SHANK2: variants seen among roughly 807,000 people sequenced by gnomAD.
The protein encoded by SHANK2 is SH3 and multiple ankyrin repeat domains protein 2.
Under a neutral mutation model 133.7 loss-of-function variants are expected in SHANK2, and 43 were observed. That is an observed-to-expected ratio of 0.32 (90% CI 0.25 to 0.41). The LOEUF is 0.41. Among genes scored for constraint, SHANK2 ranks in the 10% least tolerant of loss-of-function variants. The pLI is 1.00. For synonymous variants in SHANK2, 1,017 were observed against 952.8 expected (o/e 1.07, Z -1.24); for missense variants, 1,994 against 2,235.8 (o/e 0.89, Z 2.18).
At chr11:70,916,503 G>C (rs868974228) in intron 10 of SHANK2, among the ~76,000 whole-genome samples, 1 of 152,114 alleles carries the variant, frequency 6.6e-6, no homozygotes, top group African/African-American at 2.4e-5. Context: ...ATGTGTGTGC[G>C]TGTACACACA....
chr11:70,936,323 C>T (rs797037065), intron 10 of SHANK2, among the ~76,000 whole-genome samples: 57 of 152,158 alleles, frequency 3.7e-4, no homozygotes, highest in African/African-American at 1.4e-3. Flanking sequence ...ACCAGCCTGG[C>T]CAACATGGTG....
rs546200986 is a variant in SHANK2, at chr11:70,653,577, A to T, written c.2061+6251T>A. On this transcript the variant is annotated intron_variant, in intron 17 of 25. Transcript: ENST00000601538. Reference sequence around the variant, plus strand: ...CCTGCCTCAGCCTTCCAAAAAAAAAAAAAAAAAAAAAAGAAAGAAAATGAA... The same window carrying T: ...CCTGCCTCAGCCTTCCAAAAAAAAATAAAAAAAAAAAAGAAAGAAAATGAA... Among the ~76,000 whole-genome samples, 16 of 151,712 alleles carry T rather than the reference A, an allele frequency of 1.1e-4. No homozygotes were observed. The East Asian group carries it at 2.7e-3, about 26-fold the overall frequency.
intron 14 of SHANK2, among the ~76,000 whole-genome samples, chr11:70,752,237 C>T (rs1178694171): frequency 6.6e-6 from 1 of 152,042 alleles, no homozygotes; most frequent in Non-Finnish European, 1.5e-5. Flanking sequence ...GAAAACTAAC[C>T]AATGACATGC....
At chr11:70,934,104 T>G (rs543862081) in intron 10 of SHANK2, among the ~76,000 whole-genome samples, 145 of 151,892 alleles carry the variant, frequency 9.5e-4, no homozygotes, top group Admixed American at 3.0e-3. Context: ...TGGTGGCACA[T>G]GCCTGTAGTC....
rs1209002174 is a variant in SHANK2, at chr11:71,082,956, C to A, written c.913-7681G>T. Among the ~76,000 whole-genome samples the A allele has an allele frequency of 6.0e-5, 9 of 148,858 alleles. 1 individual carries two copies. The East Asian group carries it at 1.8e-3, about 30-fold the overall frequency. On this transcript the variant is annotated intron_variant, in intron 8 of 25. Coordinates refer to ENST00000601538, the MANE Select transcript of SHANK2 (RefSeq NM_012309.5). ...TTCTTAACGCCCGCCCCCCCCCCAA[C>A]CCTTCTGAAACAGGTTCTCACTCTG...
intron 11 of SHANK2, among the ~76,000 whole-genome samples, chr11:70,839,576 C>G (rs868971490): frequency 2.6e-5 from 4 of 152,208 alleles, no homozygotes; most frequent in Non-Finnish European, 5.9e-5. Context: ...CTTCCTTATA[C>G]CCCATCAGGA....
At chr11:71,232,304 G>A (rs1425169319) in intron 1 of SHANK2, among the ~76,000 whole-genome samples, 3 of 152,126 alleles carry the variant, frequency 2.0e-5, no homozygotes, top group Non-Finnish European at 4.4e-5. Flanking sequence ...TTTGAATCTC[G>A]ACCGCGTCAA....
At chr11:70,505,351 G>T (rs192940153) in intron 17 of SHANK2, among the ~76,000 whole-genome samples, 19 of 152,086 alleles carry the variant, frequency 1.2e-4, no homozygotes, top group African/African-American at 2.7e-4. Context: ...AAACACACGT[G>T]GGGGGGCACC....
At chr11:71,243,499 C>T (rs1954919430) in intron 1 of SHANK2, among the ~76,000 whole-genome samples, 1 of 152,090 alleles carries the variant, frequency 6.6e-6, no homozygotes, top group Admixed American at 6.6e-5. Context: ...TCAAGACCAT[C>T]CTGGCTAGCA....
At chr11:70,621,510 T>C (rs2060828958) in intron 17 of SHANK2, among the ~76,000 whole-genome samples, 1 of 152,180 alleles carries the variant, frequency 6.6e-6, no homozygotes, top group Non-Finnish European at 1.5e-5. Flanking sequence ...TACAGCACCC[T>C]TGGCGAGGAC....
chr11:71,237,102 C>A (rs1954834563), intron 1 of SHANK2, among the ~76,000 whole-genome samples: 2 of 152,184 alleles, frequency 1.3e-5, no homozygotes, highest in South Asian at 4.1e-4. Flanking sequence ...CATCAATAAA[C>A]CCGAGGGGAC....
In SHANK2 at chr11:70,730,513, C is replaced by T. The variant is rs11824878; in HGVS notation, c.1778-31750G>A. The stretch of plus-strand genomic sequence containing the variant: ...TCAACCCCAATGCCCACCCCTGTAA[C>T]GCTGAGTGTGCCCCTAACTGGACCG... On this transcript the variant is annotated intron_variant, in intron 14 of 25. Coordinates refer to ENST00000601538, the MANE Select transcript of SHANK2 (RefSeq NM_012309.5). Among the ~76,000 whole-genome samples the T allele has an allele frequency of 5.2e-3, 790 of 152,188 alleles. 4 individuals carry two copies. Among genetic ancestry groups the T allele is most frequent in the African/African-American group, 0.018 (734 of 41,508 alleles).
intron 9 of SHANK2, among the ~76,000 whole-genome samples, chr11:71,073,142 C>CT (rs1951165821): frequency 2.2e-4 from 9 of 41,128 alleles, no homozygotes; most frequent in African/African-American, 3.6e-4. Flanking sequence ...TTTTCTTTTT[C>CT]TTTTCTTTTT....
At chr11:71,220,319 T>G (rs1954510067) in intron 2 of SHANK2, among the ~76,000 whole-genome samples, 1 of 152,186 alleles carries the variant, frequency 6.6e-6, no homozygotes, top group African/African-American at 2.4e-5. Flanking sequence ...CTTTGAGCCT[T>G]GCTGGTGGGA....
chr11:70,718,899 G>A (rs1555028234), intron 14 of SHANK2, among the ~76,000 whole-genome samples: 1 of 152,180 alleles, frequency 6.6e-6, no homozygotes, highest in Non-Finnish European at 1.5e-5. Flanking sequence ...CACTTTGCCG[G>A]TCACTGGCGC....
intron 13 of SHANK2, among the ~76,000 whole-genome samples, chr11:70,802,400 CA>C (rs370901310): frequency 6.8e-4 from 104 of 152,244 alleles, no homozygotes; most frequent in African/African-American, 2.3e-3. Flanking sequence ...CTGGATGGGT[CA>C]GGGGTGGCTC....
rs545852026 is a variant in SHANK2 at position 71,139,243 on chromosome 11, G to A, written c.207+7877C>T. Among the ~76,000 whole-genome samples, 193 of 152,020 alleles carry A rather than the reference G, an allele frequency of 1.3e-3. 2 individuals are homozygous for A. The highest frequency in any genetic ancestry group is 2.3e-3 in the Non-Finnish European group (159 of 67,986). Reference sequence around the variant, plus strand: ...TCGGTGCCAGGCCTCAGGGAGAGGCGGATGCGGGGCCGACGTAGACACCCC... The same window carrying A: ...TCGGTGCCAGGCCTCAGGGAGAGGCAGATGCGGGGCCGACGTAGACACCCC... On this transcript the variant is annotated intron_variant, in intron 3 of 25. Transcript: ENST00000601538.
intron 8 of SHANK2, among the ~76,000 whole-genome samples, chr11:71,085,722 A>ATATTG (rs1434210248): frequency 1.5e-5 from 1 of 67,488 alleles, no homozygotes; most frequent in Non-Finnish European, 2.5e-5. Context: ...ATATTATATT[A>ATATTG]TATAAAATAT....
At chr11:70,747,130 C>A (rs1037737663) in intron 14 of SHANK2, among the ~76,000 whole-genome samples, 12 of 151,584 alleles carry the variant, frequency 7.9e-5, no homozygotes, top group Admixed American at 7.2e-4. Context: ...TGGGGACAAG[C>A]CCGAGGTGGT....
Sources: gnomAD v4.1 joint callset for allele counts (sites outside exome capture counted in the v4.1 genomes callset) on GRCh38, gnomAD v4.1.1 for gene constraint, MANE v1.5 for transcripts, NCBI Gene and HGNC (gene_info 2026-07-23, HGNC 2026-07-21) for gene names.